STK32B: variants seen among roughly 807,000 people sequenced by gnomAD.
The protein encoded by STK32B is serine/threonine-protein kinase 32B.
In STK32B, 43 loss-of-function variants were observed where a neutral mutation model predicts 52.6. That is an observed-to-expected ratio of 0.82 (90% CI 0.64 to 1.05). The LOEUF (loss-of-function observed/expected upper bound fraction) is 1.05. Ranked by LOEUF, STK32B falls within the 50% of genes least tolerant of loss-of-function variation. STK32B has a pLI of 0.00. For missense variants in STK32B, 621 were observed against 534.6 expected (o/e 1.16, Z -1.59); for synonymous variants, 238 against 204.3 (o/e 1.17, Z -1.41).
intron 11 of STK32B, among the ~76,000 whole-genome samples, chr4:5,495,684 G>GT (rs1323498646): frequency 6.6e-6 from 1 of 152,058 alleles, no homozygotes; most frequent in Non-Finnish European, 1.5e-5. Flanking sequence ...TTTCTGCTCT[G>GT]TTTTTTCCCC....
intron 3 of STK32B, among the ~76,000 whole-genome samples, chr4:5,285,875 C>T (rs954281479): frequency 6.6e-5 from 10 of 152,064 alleles, no homozygotes; most frequent in African/African-American, 2.4e-4. Context: ...AATCGCTAAC[C>T]CCCTATACCT....
At position 5,495,937 on chromosome 4, in the gene STK32B, A is replaced by G. The variant is rs28804088; in HGVS notation, c.1107-3008A>G. Among the ~76,000 whole-genome samples, 656 of 152,046 alleles carry G rather than the reference A, an allele frequency of 4.3e-3. 12 individuals are homozygous for G. Among genetic ancestry groups the G allele is most frequent in the African/African-American group, 0.015 (621 of 41,478 alleles). On this transcript the variant is annotated intron_variant, in intron 11 of 11. Transcript: ENST00000282908. Reference sequence around the variant, plus strand: ...CTGCTCTCTGATCGTTCCTCTGGAAATTTTGTCTCAGTGGAGTACCCGGCC... The same window carrying G: ...CTGCTCTCTGATCGTTCCTCTGGAAGTTTTGTCTCAGTGGAGTACCCGGCC...
intron 3 of STK32B, among the ~76,000 whole-genome samples, chr4:5,192,329 G>A (rs549428601): frequency 9.2e-5 from 14 of 152,222 alleles, no homozygotes; most frequent in East Asian, 7.7e-4. Context: ...CCTGGTCCTC[G>A]GGGCCCTGGA....
At chr4:5,343,809 G>C (rs1733265011) in intron 4 of STK32B, among the ~76,000 whole-genome samples, 1 of 152,130 alleles carries the variant, frequency 6.6e-6, no homozygotes, top group Non-Finnish European at 1.5e-5. Context: ...TTGATATATG[G>C]GAAGCTAGCT....
chr4:5,272,601 C>G (rs1398831106), intron 3 of STK32B, among the ~76,000 whole-genome samples: 1 of 152,144 alleles, frequency 6.6e-6, no homozygotes. Context: ...TCCTTCAAGG[C>G]TACAGTAACC....
intron 3 of STK32B, among the ~76,000 whole-genome samples, chr4:5,247,925 A>T (rs1397431982): frequency 3.9e-5 from 6 of 152,242 alleles, no homozygotes; most frequent in Non-Finnish European, 8.8e-5. Flanking sequence ...GCCTTGGCTC[A>T]TCTCCTTGGG....
intron 3 of STK32B, among the ~76,000 whole-genome samples, chr4:5,192,461 TAC>T (rs990401182): frequency 6.6e-6 from 1 of 152,186 alleles, no homozygotes; most frequent in African/African-American, 2.4e-5. Flanking sequence ...TCATAACATT[TAC>T]ACACACACGC....
chr4:5,270,511 C>T (rs903834820), intron 3 of STK32B, among the ~76,000 whole-genome samples: 1 of 152,058 alleles, frequency 6.6e-6, no homozygotes, highest in African/African-American at 2.4e-5. Flanking sequence ...CAGACACACC[C>T]AGGAACAGTA....
chr4:5,235,952 C>T (rs953427129), intron 3 of STK32B, among the ~76,000 whole-genome samples: 1 of 151,958 alleles, frequency 6.6e-6, no homozygotes, highest in African/African-American at 2.4e-5. Flanking sequence ...CTGAGCTTTC[C>T]ACATGGGGGA....
chr4:5,323,804 C>T (rs1275343017), intron 3 of STK32B, among the ~76,000 whole-genome samples: 1 of 152,166 alleles, frequency 6.6e-6, no homozygotes, highest in Non-Finnish European at 1.5e-5. Context: ...ACTCAGAGTT[C>T]ACTGGCTGGT....
rs1260556694 is a variant in STK32B, at chr4:5,398,090, G to A, written c.435-117G>A. The A allele has an allele frequency of 1.7e-5, 18 of 1,074,998 alleles. No homozygotes were observed. Among genetic ancestry groups the A allele is most frequent in the Non-Finnish European group, 2.3e-5 (17 of 727,904 alleles). The allele number at this position is 1,074,998 out of a possible 1,614,324, so 66.6% of individuals were successfully genotyped here. ...TCCCACTCCATGTCTGAGGCTTCAG[G>A]TCAGGGAGAGGTGAGCAGCCTGGGT... On this transcript the variant is annotated intron_variant, in intron 4 of 11. Transcript: ENST00000282908. This position sits in a 1 kb window ranked among gnomAD's most constrained non-coding sequence, Gnocchi z 4.9.
At chr4:5,417,286 T>C (rs16837172) in intron 6 of STK32B, among the ~76,000 whole-genome samples, 4,468 of 152,314 alleles carry the variant, frequency 0.029, 93 homozygotes, top group African/African-American at 0.057. Context: ...TCTACATTCT[T>C]AGGCACACAG....
intron 2 of STK32B, among the ~76,000 whole-genome samples, chr4:5,156,175 T>A (rs1461339709): frequency 6.6e-6 from 1 of 151,726 alleles, no homozygotes; most frequent in African/African-American, 2.4e-5. Context: ...TATACACATA[T>A]GCATACACCA....
chr4:5,095,195 G>C (rs191493567), intron 1 of STK32B, among the ~76,000 whole-genome samples: 1 of 152,266 alleles, frequency 6.6e-6, no homozygotes, highest in African/African-American at 2.4e-5. Context: ...GGTTCAGGTG[G>C]GTAAGGGCAG....
intron 6 of STK32B, among the ~76,000 whole-genome samples, chr4:5,418,850 G>C (rs1712388424): frequency 6.6e-6 from 1 of 152,220 alleles, no homozygotes; most frequent in Non-Finnish European, 1.5e-5. Context: ...GGAGGAGTTA[G>C]AGTTGCACAT....
intron 6 of STK32B, among the ~76,000 whole-genome samples, chr4:5,421,516 C>T (rs550125164): frequency 6.6e-6 from 1 of 152,364 alleles, no homozygotes; most frequent in South Asian, 2.1e-4. Flanking sequence ...TGAGCCACCA[C>T]ACCTGGCCAA....
intron 4 of STK32B, among the ~76,000 whole-genome samples, chr4:5,382,177 C>T (rs943097507): frequency 2.0e-5 from 3 of 152,154 alleles, no homozygotes; most frequent in Non-Finnish European, 2.9e-5. Context: ...AAAATACTCC[C>T]ACTGAAACAT....
rs1437782429 is a variant in STK32B at position 5,469,968 on chromosome 4, T to A, written c.1106+1898T>A. Among the ~76,000 whole-genome samples the A allele has an allele frequency of 6.6e-6, 1 of 152,126 alleles. No individual in the cohort carries two copies. The highest frequency in any genetic ancestry group is 1.5e-5 in the Non-Finnish European group (1 of 68,024). ...TCTTGGGCTCAGGCAGCCTTCATTC[T>A]CTGTGTGTGGGCCGTGGAGTCCAAT... is the stretch of plus-strand genomic sequence containing the variant. On this transcript the variant is annotated intron_variant, in intron 11 of 11. Transcript: ENST00000282908. This position sits in a 1 kb window ranked among gnomAD's most constrained non-coding sequence, Gnocchi z 4.7.
chr4:5,168,430 C>G lies in STK32B; in HGVS notation c.240C>G (p.His80Gln), dbSNP rs140264745. 4 of 1,613,362 alleles carry G rather than the reference C, an allele frequency of 2.5e-6. No homozygotes were observed. In the African/African-American group the frequency reaches 5.3e-5, roughly 22 times the overall value. The change falls in exon 3 of 12, where the codon CAC becomes CAG. Residue 80 changes from histidine (H) to glutamine (Q), a missense_variant. His to Gln is a conservative substitution (Grantham distance 24, BLOSUM62 0). Transcript: ENST00000282908. ...TGCAGATCATGCAAGGGCTGGAGCA[C>G]CCCTTCCTGGTCAATCTGTGGTGAG... ...RELQIMQGLE[H>Q]PFLVNLWYSF...
Sources: allele counts gnomAD v4.1 joint callset (sites outside exome capture counted in the v4.1 genomes callset), GRCh38; gene constraint gnomAD v4.1.1; non-coding constraint Gnocchi (gnomAD v3.1); transcripts MANE v1.5; gene names NCBI Gene and HGNC (gene_info 2026-07-23, HGNC 2026-07-21).